LIFR: variants seen among roughly 807,000 people sequenced by gnomAD.
LIFR encodes the protein leukemia inhibitory factor receptor.
Under a neutral mutation model 122.2 loss-of-function variants are expected in LIFR, and 84 were observed. The observed-to-expected ratio is 0.69, with a 90% CI of 0.58 to 0.82. The LOEUF is 0.82. Among genes scored for constraint, LIFR ranks in the 40% least tolerant of loss-of-function variants. LIFR has a pLI of 0.00. For missense variants in LIFR, 1,294 were observed against 1,311.6 expected (o/e 0.99, Z 0.21); for synonymous variants, 422 against 434.7 (o/e 0.97, Z 0.36).
Position 38,527,176 on chromosome 5 carries a change from T to C in LIFR, c.376A>G (p.Thr126Ala). 1 of 1,592,960 alleles carries C rather than the reference T, an allele frequency of 6.3e-7. No homozygotes were observed. ...HDFGSSTSKF[T>A]LNEQNVSLIP... Reference sequence around the variant, plus strand: ...TTACAAACGTTTTGTTCATTTAGTGTGAATTTACTTGTAGAACTTCCAAAA... The same window carrying C: ...TTACAAACGTTTTGTTCATTTAGTGCGAATTTACTTGTAGAACTTCCAAAA... The change falls in exon 4 of 20, where the codon ACA (threonine) becomes GCA (alanine). Residue 126 changes from threonine to alanine, a missense_variant. By Grantham distance (58) the Thr-to-Ala change is moderately conservative. Coordinates refer to ENST00000453190, the MANE Select transcript of LIFR (RefSeq NM_001127671.2).
At position 38,583,142 on chromosome 5, in the gene LIFR, C is replaced by T. The variant is rs557677645; in HGVS notation, c.-20+12119G>A. ...GTGTTCAATTGATGCTTGCTTGTTA[C>T]GTAGAGCTGCTGTTGAACTGAAGGC... is the stretch of plus-strand genomic sequence containing the variant. On this transcript the variant is annotated intron_variant, in intron 1 of 19. Transcript: ENST00000263409. 3.9e-5 allele frequency among the ~76,000 whole-genome samples: 6 copies of T among 152,214 alleles called. No homozygotes were observed. The South Asian group carries it at 1.2e-3, about 32-fold the overall frequency.
rs1014438663 is a variant in LIFR at position 38,530,505 on chromosome 5, C to T, written c.142+1G>A. On this transcript the variant is annotated splice_donor_variant, in intron 2 of 19. Coordinates refer to ENST00000453190, the MANE Select transcript of LIFR (RefSeq NM_001127671.2). LOFTEE classifies it high-confidence loss of function. Reference sequence around the variant, plus strand: ...ATTCTCTGGAAGGCTGATGCACTTACCCTTTTTCTGGCTATTTACTTGATT... The same window carrying T: ...ATTCTCTGGAAGGCTGATGCACTTATCCTTTTTCTGGCTATTTACTTGATT... 1 of 1,611,210 alleles carries T rather than the reference C, an allele frequency of 6.2e-7. No individual in the cohort carries two copies. The highest frequency in any genetic ancestry group is 8.5e-7 in the Non-Finnish European group (1 of 1,177,432).
intron 1 of LIFR, among the ~76,000 whole-genome samples, chr5:38,537,889 T>C (rs1414251327): frequency 1.3e-5 from 2 of 152,226 alleles, no homozygotes; most frequent in Admixed American, 1.3e-4. Context: ...AGCAAATAGA[T>C]TCCCCAATCG....
intron 5 of LIFR, among the ~76,000 whole-genome samples, chr5:38,515,227 C>T (rs149191821): frequency 6.6e-6 from 1 of 152,236 alleles, no homozygotes; most frequent in East Asian, 1.9e-4. Flanking sequence ...TGTGATGCCT[C>T]TGGCCACAAG....
intron 16 of LIFR, among the ~76,000 whole-genome samples, chr5:38,486,489 G>A (rs1424732421): frequency 6.6e-6 from 1 of 152,110 alleles, no homozygotes; most frequent in African/African-American, 2.4e-5. Context: ...AATCCTTTGG[G>A]TTATAACTTC....
intron 5 of LIFR, among the ~76,000 whole-genome samples, chr5:38,522,765 T>C (rs752336265): frequency 2.6e-5 from 4 of 152,220 alleles, no homozygotes; most frequent in African/African-American, 4.8e-5. Flanking sequence ...ATTTTATCTA[T>C]GTACTTGAGC....
At chr5:38,562,658 T>G (rs1035250673) in intron 1 of LIFR, among the ~76,000 whole-genome samples, 5 of 152,196 alleles carry the variant, frequency 3.3e-5, no homozygotes, top group Non-Finnish European at 7.3e-5. Context: ...GCCAAAAGAT[T>G]AAGGGATTGA....
At chr5:38,486,933 T>A (rs1744317799) in intron 16 of LIFR, among the ~76,000 whole-genome samples, 1 of 152,222 alleles carries the variant, frequency 6.6e-6, no homozygotes, top group South Asian at 2.1e-4. Flanking sequence ...TCATCATGTT[T>A]CCTATCTTGT....
intron 12 of LIFR, among the ~76,000 whole-genome samples, chr5:38,497,172 C>T (rs1744926477): frequency 6.6e-6 from 1 of 152,030 alleles, no homozygotes; most frequent in South Asian, 2.1e-4. Context: ...CATGGTGGCA[C>T]CTCAGGAGGC....
intron 2 of LIFR, among the ~76,000 whole-genome samples, chr5:38,529,595 T>C (rs1172597854): frequency 6.7e-6 from 1 of 150,198 alleles, no homozygotes; most frequent in African/African-American, 2.5e-5. Context: ...CACTATGCAA[T>C]GAAAAAAGTC....
upstream of LIFR, among the ~76,000 whole-genome samples, chr5:38,597,214 G>T (rs1005662122): frequency 6.6e-6 from 1 of 152,246 alleles, no homozygotes; most frequent in Non-Finnish European, 1.5e-5. Flanking sequence ...AGAACATTGG[G>T]TGGTGAGGAA....
chr5:38,554,779 A>C (rs936796424), intron 1 of LIFR, among the ~76,000 whole-genome samples: 3 of 152,252 alleles, frequency 2.0e-5, no homozygotes, highest in African/African-American at 7.2e-5. Flanking sequence ...CGTATCTTTT[A>C]TATCTATTGA....
At chr5:38,597,128 C>T (rs551309115), upstream of LIFR, among the ~76,000 whole-genome samples, 47 of 152,302 alleles carry the variant, frequency 3.1e-4, no homozygotes, top group African/African-American at 1.1e-3. Flanking sequence ...TGCAGACTCC[C>T]TGTAAACAGG....
chr5:38,556,447 AG>A lies in LIFR; in HGVS notation c.-134del, dbSNP rs1364987124. The A allele has an allele frequency of 1.3e-5, 2 of 151,744 alleles. No individual in the cohort carries two copies. The highest frequency in any genetic ancestry group is 1.3e-4 in the Admixed American group (2 of 15,206). The allele number at this position is 151,744 out of a possible 1,614,324, so 9.4% of individuals were successfully genotyped here. ...CGCCCGGGGGCAGGAGCCGCCAAGG[AG>A]GGGGCCGGGCACAATGCGCCGCCGC... On this transcript the variant is annotated 5_prime_UTR_variant, in exon 1 of 20. Coordinates refer to ENST00000453190, the MANE Select transcript of LIFR (RefSeq NM_001127671.2).
intron 15 of LIFR, among the ~76,000 whole-genome samples, chr5:38,489,726 CTGA>C (rs1744470977): frequency 6.6e-6 from 1 of 151,724 alleles, no homozygotes; most frequent in African/African-American, 2.4e-5. Context: ...AGTGCAGTGG[CTGA>C]TGCCTGTAAT....
chr5:38,571,529 C>CAAAAAA (rs11297745), intron 1 of LIFR, among the ~76,000 whole-genome samples: 2 of 74,686 alleles, frequency 2.7e-5, no homozygotes, highest in Non-Finnish European at 2.4e-5. Context: ...CATTCCAGCT[C>CAAAAAA]AAAAAAAAAA....
chr5:38,506,776 T>A, intron 7 of LIFR, 144 bp from the exon 8 acceptor site: 1 of 701,394 alleles, frequency 1.4e-6, no homozygotes, highest in Admixed American at 2.3e-5. Flanking sequence ...AATGCAGGAA[T>A]TATTCTCTCT....
chr5:38,597,217 G>A (rs1258779468), upstream of LIFR, among the ~76,000 whole-genome samples: 1 of 152,244 alleles, frequency 6.6e-6, no homozygotes, highest in Non-Finnish European at 1.5e-5. Flanking sequence ...ACATTGGGTG[G>A]TGAGGAAAGA....
intron 4 of LIFR, among the ~76,000 whole-genome samples, chr5:38,526,832 C>T (rs1190149854): frequency 1.3e-5 from 2 of 152,106 alleles, no homozygotes; most frequent in African/African-American, 2.4e-5. Context: ...CTAATACTGT[C>T]ATTTTTCAGT....
Sources: gnomAD v4.1 joint callset for allele counts (sites outside exome capture counted in the v4.1 genomes callset) on GRCh38, gnomAD v4.1.1 for gene constraint, MANE v1.5 for transcripts, NCBI Gene and HGNC (gene_info 2026-07-23, HGNC 2026-07-21) for gene names.